MROH2A: variants seen among roughly 807,000 people sequenced by gnomAD.
MROH2A encodes maestro heat-like repeat-containing protein family member 2A.
A neutral mutation model predicts 200.4 loss-of-function variants in MROH2A; 174 were observed. That is an observed-to-expected ratio of 0.87 (90% CI 0.77 to 0.98). The LOEUF is 0.98. Among genes scored for constraint, MROH2A ranks in the 50% least tolerant of loss-of-function variants. The pLI is 0.00. For synonymous variants in MROH2A, 829 were observed against 840.4 expected, an observed-to-expected ratio of 0.99 and a Z score of 0.23; for missense variants, 2,045 against 2,139.6, an observed-to-expected ratio of 0.96 and a Z score of 0.87.
At chr2:233,788,966 A>G (rs906850535) in intron 3 of MROH2A, among the ~76,000 whole-genome samples, 8 of 148,498 alleles carry the variant, frequency 5.4e-5, no homozygotes, top group Non-Finnish European at 1.2e-4. Flanking sequence ...AAAAAAAAAA[A>G]AAAGAGTAAC....
chr2:233,807,593 G>T lies in MROH2A; in HGVS notation c.2172+51G>T. The T allele has an allele frequency of 3.2e-6, 5 of 1,546,638 alleles. No individual in the cohort carries two copies. The highest frequency in any genetic ancestry group is 4.4e-6 in the Non-Finnish European group (5 of 1,144,758). On this transcript the variant is annotated intron_variant, in intron 20 of 41. Coordinates refer to ENST00000389758, the MANE Select transcript of MROH2A (RefSeq NM_001394639.1). The surrounding 1 kb of genome is among the most constrained non-coding windows in gnomAD (Gnocchi z 4.3). ...GTCCACCAGATGCCTCTGGACCCTC[G>T]GGGACATGTGTGTTCATGTGGCTGC... is the stretch of plus-strand genomic sequence containing the variant.
chr2:233,819,283 G>T (rs763234340), intron 29 of MROH2A, 34 bp from the exon 30 acceptor site: 4 of 1,538,006 alleles, frequency 2.6e-6, no homozygotes, highest in East Asian at 2.5e-5. Flanking sequence ...GGAGTGGCAG[G>T]GGAGGGCAGG....
At chr2:233,797,391 A>G (rs1374174886) in intron 11 of MROH2A, among the ~76,000 whole-genome samples, 1 of 152,230 alleles carries the variant, frequency 6.6e-6, no homozygotes, top group Non-Finnish European at 1.5e-5. Flanking sequence ...AAGCATGAGA[A>G]ACAGCCTAAA....
Position 233,783,679 on chromosome 2 carries a change from G to C in MROH2A, c.276+3827G>C, listed in dbSNP as rs148298127. Among the ~76,000 whole-genome samples the C allele has an allele frequency of 6.6e-5, 10 of 152,244 alleles. No individual in the cohort carries two copies. The East Asian group carries it at 1.9e-3, about 29-fold the overall frequency. Reference sequence around the variant, plus strand: ...TCCTGCCTCAGCCTCCCAAGTAGCTGGGATTACAGGCACGCACCACCATGC... The same window carrying C: ...TCCTGCCTCAGCCTCCCAAGTAGCTCGGATTACAGGCACGCACCACCATGC... On this transcript the variant is annotated intron_variant, in intron 3 of 41. Transcript: ENST00000389758.
chr2:233,807,622 C>G lies in MROH2A; in HGVS notation c.2172+80C>G. On this transcript the variant is annotated intron_variant, in intron 20 of 41. Transcript: ENST00000389758. This position sits in a 1 kb window ranked among gnomAD's most constrained non-coding sequence, Gnocchi z 4.3. ...ACATGTGTGTTCATGTGGCTGCATG[C>G]GTTTTGTGTGTGTGTGTGTACATGT... 5.8e-6 allele frequency: 9 copies of G among 1,539,896 alleles called. No homozygotes were observed. Among genetic ancestry groups the G allele is most frequent in the Non-Finnish European group, 7.9e-6 (9 of 1,141,070 alleles).
Position 233,823,036 on chromosome 2 carries a change from C to T in MROH2A, c.4004+18C>T. The T allele has an allele frequency of 1.9e-6, 3 of 1,549,074 alleles. No individual in the cohort carries two copies. The highest frequency in any genetic ancestry group is 1.2e-5 in the South Asian group (1 of 83,984). On this transcript the variant is annotated intron_variant, in intron 34 of 41. Coordinates refer to ENST00000389758, the MANE Select transcript of MROH2A (RefSeq NM_001394639.1). ...CTGGCCAGGTGGGCCCTGGCTCCCA[C>T]AGGGTGGCAGGGGGACCTGCAGAGG...
intron 5 of MROH2A, among the ~76,000 whole-genome samples, chr2:233,792,360 T>G (rs1456758490): frequency 2.6e-5 from 4 of 151,080 alleles, no homozygotes; most frequent in African/African-American, 9.8e-5. Context: ...TCGCCCAGGC[T>G]GGAGTGCAGT....
In MROH2A at chr2:233,825,921, CTTTTTTTTTTTT is replaced by C. The variant is rs34849761; in HGVS notation, c.4113+2268_4113+2279del. 1.7e-3 allele frequency among the ~76,000 whole-genome samples: 160 copies of C among 95,252 alleles called. 1 individual carries two copies. The highest frequency in any genetic ancestry group is 9.2e-3 in the Admixed American group (70 of 7,650). 62.5% of individuals were successfully genotyped at this position (95,252 alleles called of 152,430 possible). A position where few individuals can be genotyped will look rare whatever the true frequency, so the allele number is the denominator to read the frequency against. On this transcript the variant is annotated intron_variant, in intron 35 of 41. Coordinates refer to ENST00000389758, the MANE Select transcript of MROH2A (RefSeq NM_001394639.1). Reference sequence around the variant, plus strand: ...AAACACCTCTTTGTGTTTCTTTTTCCTTTTTTTTTTTTTTTTTTTTTTGAGACAGGGTCTTGC... The same window carrying C: ...AAACACCTCTTTGTGTTTCTTTTTCCTTTTTTTTTTGAGACAGGGTCTTGC...
chr2:233,818,160 T>C, intron 28 of MROH2A, 35 bp downstream of exon 28: 1 of 1,547,480 alleles, frequency 6.5e-7, no homozygotes, highest in Non-Finnish European at 8.7e-7. Context: ...CCAGCTCCTC[T>C]GGGAGGGAGA....
chr2:233,831,471 C>G lies in MROH2A; in HGVS notation c.4665C>G (p.Pro1555=). The change falls in exon 39 of 42, where the codon CCC becomes CCG. Residue 1555 remains proline, a synonymous_variant. Transcript: ENST00000389758. ...HFWGWKSLEH[P]SGPSDTATDD... ...GGGGCTGGAAGTCCCTGGAGCATCC[C>G]TCAGGGCCAAGTGATACCGCTACTG... The G allele has an allele frequency of 6.4e-7, 1 of 1,550,566 alleles. No homozygotes were observed. Among genetic ancestry groups the G allele is most frequent in the Non-Finnish European group, 8.7e-7 (1 of 1,146,972 alleles).
At chr2:233,779,977 G>C (rs1373616073) in intron 3 of MROH2A, 125 bp downstream of exon 3, 1 of 810,756 alleles carries the variant, frequency 1.2e-6, no homozygotes, top group South Asian at 1.9e-5. Flanking sequence ...AGATGGGCAA[G>C]ACTGTGAGGT....
chr2:233,805,177 G>C, intron 19 of MROH2A, 66 bp downstream of exon 19: 1 of 1,042,452 alleles, frequency 9.6e-7, no homozygotes, highest in Non-Finnish European at 1.4e-6. Context: ...GGAGTGGAGA[G>C]GATAACACCG....
At chr2:233,831,148 G>A (rs1252337974) in intron 38 of MROH2A, among the ~76,000 whole-genome samples, 1 of 152,216 alleles carries the variant, frequency 6.6e-6, no homozygotes, top group East Asian at 1.9e-4. Flanking sequence ...AGGCAGGGCT[G>A]CTGAGGGCAC....
At chr2:233,832,107 G>A (rs1574628151) in intron 39 of MROH2A, 70 bp from the exon 40 acceptor site, 17 of 1,292,322 alleles carry the variant, frequency 1.3e-5, no homozygotes, top group Middle Eastern at 3.6e-4. Flanking sequence ...ATGGGAACAC[G>A]CTTGATGAAT....
chr2:233,794,475 A>G lies in MROH2A; in HGVS notation c.935A>G (p.Gln312Arg). The change falls in exon 8 of 42, where the codon CAG (glutamine) becomes CGG (arginine). Residue 312 changes from glutamine to arginine, a missense_variant. Gln to Arg is a conservative substitution (Grantham distance 43). Coordinates refer to ENST00000389758, the MANE Select transcript of MROH2A (RefSeq NM_001394639.1). ...DYIPLLLAEY[Q>R]GSLEVLFVTQ... The stretch of plus-strand genomic sequence containing the variant: ...ATCCCCCTGCTGCTGGCGGAGTACC[A>G]GGGCAGTCTGGAGGTGCTCTTCGTC... 1 of 1,549,178 alleles carries G rather than the reference A, an allele frequency of 6.5e-7. No individual in the cohort carries two copies. The highest frequency in any genetic ancestry group is 8.7e-7 in the Non-Finnish European group (1 of 1,145,724).
chr2:233,827,634 G>T (rs760089741), intron 35 of MROH2A, among the ~76,000 whole-genome samples: 1 of 152,026 alleles, frequency 6.6e-6, no homozygotes, highest in Non-Finnish European at 1.5e-5. Flanking sequence ...TTAATAACTC[G>T]GTGATGGGTC....
chr2:233,809,434 G>A (rs1559465450), intron 22 of MROH2A, among the ~76,000 whole-genome samples, 156 bp downstream of exon 22: 1 of 152,074 alleles, frequency 6.6e-6, no homozygotes, highest in Non-Finnish European at 1.5e-5. Context: ...CAAATGTGCT[G>A]TTCTCTGTGC....
intron 40 of MROH2A, 33 bp from the exon 41 acceptor site, chr2:233,832,546 G>A (rs531873239): frequency 1.4e-5 from 20 of 1,446,426 alleles, no homozygotes; most frequent in African/African-American, 5.6e-5. Context: ...CCTAATACTC[G>A]CGTGATGAGC....
chr2:233,816,394 T>C (rs945187071), intron 26 of MROH2A, among the ~76,000 whole-genome samples: 4 of 152,268 alleles, frequency 2.6e-5, no homozygotes, highest in Admixed American at 6.5e-5. Flanking sequence ...AGGATTGTTA[T>C]GTCTGGTTGA....
Sources: allele counts gnomAD v4.1 joint callset (sites outside exome capture counted in the v4.1 genomes callset), GRCh38; gene constraint gnomAD v4.1.1; non-coding constraint Gnocchi (gnomAD v3.1); transcripts MANE v1.5; gene names NCBI Gene and HGNC (gene_info 2026-07-23, HGNC 2026-07-21).